KRT83: variants seen among roughly 807,000 people sequenced by gnomAD.
KRT83 encodes the protein keratin, type II cuticular Hb3.
A neutral mutation model predicts 52.9 loss-of-function variants in KRT83; 51 were observed. The observed-to-expected ratio is 0.96, with a 90% confidence interval of 0.77 to 1.22. KRT83 has a LOEUF of 1.22. Among genes scored for constraint, KRT83 ranks in the 50% most tolerant of loss-of-function variants. The pLI, the probability that KRT83 is intolerant of heterozygous loss-of-function variation, is 0.00. For synonymous variants in KRT83, 278 were observed against 274.1 expected, an observed-to-expected ratio of 1.01 and a Z score of -0.14; for missense variants, 654 against 666.5, an observed-to-expected ratio of 0.98 and a Z score of 0.21.
intron 2 of KRT83, among the ~76,000 whole-genome samples, chr12:52,318,503 G>C (rs1938722545): frequency 6.6e-6 from 1 of 152,082 alleles, no homozygotes; most frequent in South Asian, 2.1e-4. Flanking sequence ...CAGGTGGTGG[G>C]ATCCTCGCTC....
chr12:52,315,369 G>C, intron 7 of KRT83, 26 bp from the exon 8 acceptor site: 1 of 1,612,900 alleles, frequency 6.2e-7, no homozygotes, highest in South Asian at 1.1e-5. Flanking sequence ...GTAAGGAAGG[G>C]GAAGATAAAA....
At chr12:52,317,644 G>A (rs2121342590) in intron 4 of KRT83, 37 bp downstream of exon 4, 1 of 1,603,484 alleles carries the variant, frequency 6.2e-7, no homozygotes, top group Non-Finnish European at 8.5e-7. Flanking sequence ...GGATCCCATG[G>A]GGGGATCTGT....
intron 7 of KRT83, 113 bp from the exon 8 acceptor site, chr12:52,315,456 A>C: frequency 8.9e-7 from 1 of 1,128,886 alleles, no homozygotes; most frequent in Non-Finnish European, 1.3e-6. Context: ...ACCTACATTT[A>C]TTCCCTTGTG....
At chr12:52,315,412 G>A in intron 7 of KRT83, 69 bp from the exon 8 acceptor site, 1 of 1,494,256 alleles carries the variant, frequency 6.7e-7, no homozygotes, top group East Asian at 2.3e-5. Context: ...ATTTCCGCTA[G>A]GTGCTGAAAT....
chr12:52,317,573 G>T, intron 4 of KRT83, 108 bp downstream of exon 4: 1 of 1,280,274 alleles, frequency 7.8e-7, no homozygotes, highest in African/African-American at 1.5e-5. Context: ...CCAGCCGTGA[G>T]CCTGGGTTCA....
At chr12:52,317,887 A>G (rs200861278) in intron 3 of KRT83, 23 bp downstream of exon 3, 147 of 1,613,792 alleles carry the variant, frequency 9.1e-5, no homozygotes, top group Non-Finnish European at 4.7e-5. Context: ...GGGCGGGCTC[A>G]GGGCCAGCTG....
In KRT83 at chr12:52,316,033, G is replaced by C; in HGVS notation, c.1122C>G (p.Ala374=). 6.2e-7 allele frequency: 1 copy of C among 1,613,590 alleles called. No homozygotes were observed. The highest frequency in any genetic ancestry group is 8.5e-7 in the Non-Finnish European group (1 of 1,179,964). The part of the protein sequence containing the change: ...AALSDARCKL[A]ELEGALQKAK... The stretch of plus-strand genomic sequence containing the variant: ...CCTTCTGCAGGGCGCCCTCCAGCTC[G>C]GCCAGCTTGCAGCGGGCATCACTGA... The change falls in exon 7 of 9, where the codon GCC becomes GCG. Residue 374 remains alanine, a synonymous_variant. Coordinates refer to ENST00000293670, the MANE Select transcript of KRT83 (RefSeq NM_002282.3).
In KRT83 at chr12:52,321,392, G is replaced by A; in HGVS notation, c.-57C>T. On this transcript the variant is annotated 5_prime_UTR_variant, in exon 1 of 9. Transcript: ENST00000293670. ...GTAGATGGCAGAGGATGGAACCAAG[G>A]GCCTGTGCTCCCTGGCTGATGGCAG... 5 of 1,610,340 alleles carry A rather than the reference G, an allele frequency of 3.1e-6. No homozygotes were observed. Among genetic ancestry groups the A allele is most frequent in the Non-Finnish European group, 4.2e-6 (5 of 1,177,238 alleles).
Position 52,314,547 on chromosome 12 carries a change from G to C in KRT83, c.*84C>G. 2 of 1,264,420 alleles carry C rather than the reference G, an allele frequency of 1.6e-6. No individual in the cohort carries two copies. Among genetic ancestry groups the C allele is most frequent in the South Asian group, 2.6e-5 (2 of 78,202 alleles). The allele number at this position is 1,264,420 out of a possible 1,614,324, so 78.3% of individuals were successfully genotyped here. A position where few individuals can be genotyped will look rare whatever the true frequency, so the allele number is the denominator to read the frequency against. On this transcript the variant is annotated 3_prime_UTR_variant, in exon 9 of 9. Transcript: ENST00000293670. ...TCAGAACACAAGGGGAAAAGCCAGC[G>C]ATGTGCTGCTGTTTTCAGCTGGTGG...
intron 5 of KRT83, 70 bp downstream of exon 5, chr12:52,316,789 C>A (rs1938694351): frequency 1.2e-6 from 2 of 1,611,876 alleles, no homozygotes; most frequent in Non-Finnish European, 1.7e-6. Flanking sequence ...GACAAAGAAG[C>A]CTTTTCTACT....
In KRT83 at chr12:52,314,956, C is replaced by A. The variant is rs935829037; in HGVS notation, c.1295-138G>T. The A allele has an allele frequency of 4.0e-6, 3 of 744,304 alleles. No homozygotes were observed. The South Asian group carries it at 5.4e-5, about 13-fold the overall frequency. The allele number at this position is 744,304 out of a possible 1,614,324, so 46.1% of individuals were successfully genotyped here. A position where few individuals can be genotyped will look rare whatever the true frequency, so the allele number is the denominator to read the frequency against. Reference sequence around the variant, plus strand: ...CCAGTTCTATTCTGAAGGAGGGAACCCTAGCCTGGGAGCCAGCAGACCGGG... The same window carrying A: ...CCAGTTCTATTCTGAAGGAGGGAACACTAGCCTGGGAGCCAGCAGACCGGG... On this transcript the variant is annotated intron_variant, in intron 8 of 8. Transcript: ENST00000293670.
intron 2 of KRT83, among the ~76,000 whole-genome samples, chr12:52,318,591 C>T (rs1470138395): frequency 6.6e-6 from 1 of 152,062 alleles, no homozygotes; most frequent in Non-Finnish European, 1.5e-5. Context: ...CCTGGGGAGT[C>T]CATGGAGAGA....
intron 8 of KRT83, 33 bp downstream of exon 8, chr12:52,315,279 T>C: frequency 1.2e-6 from 2 of 1,609,122 alleles, no homozygotes; most frequent in Non-Finnish European, 1.7e-6. Context: ...GTCCCCAGTC[T>C]ACATTTTCCT....
intron 6 of KRT83, 33 bp from the exon 7 acceptor site, chr12:52,316,146 G>A: frequency 6.2e-7 from 1 of 1,611,262 alleles, no homozygotes; most frequent in Non-Finnish European, 8.5e-7. Flanking sequence ...AGAGGATAAA[G>A]TGAAGTTTAG....
At position 52,314,665 on chromosome 12, in the gene KRT83, C is replaced by G. The variant is rs758618491; in HGVS notation, c.1448G>C (p.Cys483Ser). 6.3e-7 allele frequency: 1 copy of G among 1,577,838 alleles called. No homozygotes were observed. Among genetic ancestry groups the G allele is most frequent in the Non-Finnish European group, 8.6e-7 (1 of 1,161,816 alleles). Residue 483 changes from cysteine to serine, a missense_variant, in exon 9 of 9, where the codon TGT becomes TCT. Coordinates refer to ENST00000293670, the MANE Select transcript of KRT83 (RefSeq NM_002282.3). ...CKPCGQLNTT[C>S]GGGSCGQGRH is the part of the protein sequence containing the mutation. Reference sequence around the variant, plus strand: ...CCCCTGGCCGCAGGAGCCCCCTCCACAGGTGGTGTTCAGCTGGCCACAGGG... The same window carrying G: ...CCCCTGGCCGCAGGAGCCCCCTCCAGAGGTGGTGTTCAGCTGGCCACAGGG...
chr12:52,319,054 T>C lies in KRT83; in HGVS notation c.593+102A>G, dbSNP rs1019676158. ...ACAGGGGGTACAGGTTCTTCTCCAC[T>C]CTCAGGCAGAGATGCCAGCTGCAGA... On this transcript the variant is annotated intron_variant, in intron 2 of 8. Coordinates refer to ENST00000293670, the MANE Select transcript of KRT83 (RefSeq NM_002282.3). The C allele has an allele frequency of 1.9e-6, 3 of 1,565,478 alleles. No homozygotes were observed. The African/African-American group carries it at 4.1e-5, about 21-fold the overall frequency.
chr12:52,315,268 T>C (rs1565754303), intron 8 of KRT83, 44 bp downstream of exon 8: 3 of 1,595,614 alleles, frequency 1.9e-6, no homozygotes, highest in Non-Finnish European at 2.6e-6. Flanking sequence ...AGAAGTCCTT[T>C]GTCCCCAGTC....
chr12:52,314,812 C>T lies in KRT83; in HGVS notation c.1301G>A (p.Ser434Asn). 6.2e-7 allele frequency: 1 copy of T among 1,604,592 alleles called. No individual in the cohort carries two copies. ...GCACACAACCCCACCCCGGGAGCTGCTGACACCTGTGGGAACAAGGGCAGG... is the reference window on the plus strand; with the variant it reads ...GCACACAACCCCACCCCGGGAGCTGTTGACACCTGTGGGAACAAGGGCAGG... ...EGVEAVNVCV[S>N]SSRGGVVCGD... Residue 434 changes from serine to asparagine, a missense_variant, in exon 9 of 9, where the codon AGC becomes AAC. Ser to Asn is a conservative substitution (Grantham distance 46). Coordinates refer to ENST00000293670, the MANE Select transcript of KRT83 (RefSeq NM_002282.3).
chr12:52,317,086 C>A (rs978273983), intron 4 of KRT83, 63 bp from the exon 5 acceptor site: 1 of 1,606,402 alleles, frequency 6.2e-7, no homozygotes, highest in African/African-American at 1.3e-5. Flanking sequence ...TCCCTGGATG[C>A]CTATCATCCT....
Sources: gnomAD v4.1 joint callset for allele counts (sites outside exome capture counted in the v4.1 genomes callset) on GRCh38, gnomAD v4.1.1 for gene constraint, MANE v1.5 for transcripts, NCBI Gene and HGNC (gene_info 2026-07-23, HGNC 2026-07-21) for gene names.